The following HMCN1 variants were observed in gnomAD, a reference collection of about 807,000 sequenced individuals.
The protein encoded by HMCN1 is hemicentin-1.
A neutral mutation model predicts 625.9 loss-of-function variants in HMCN1; 321 were observed. That is an observed-to-expected ratio of 0.51 (90% confidence interval 0.47 to 0.56). The LOEUF (loss-of-function observed/expected upper bound fraction) is 0.56, where lower values mean the gene tolerates loss of function less well. HMCN1 is among the 20% of genes least tolerant of loss of function. The pLI, the probability that HMCN1 is intolerant of heterozygous loss-of-function variation, is 0.00. For missense variants in HMCN1, 6,588 were observed against 6,887.3 expected (o/e 0.96, Z 1.54); for synonymous variants, 2,425 against 2,417.6 (o/e 1.00, Z -0.09).
rs184543732 is a variant in HMCN1 at position 186,006,036 on chromosome 1, C to T, written c.4476-1092C>T. On this transcript the variant is annotated intron_variant, in intron 29 of 106. Coordinates refer to ENST00000271588, the MANE Select transcript of HMCN1 (RefSeq NM_031935.3). ...CTGTAATTCCAGCTACTTGGGAGGC[C>T]GAGGCAGGAGAATCGCTTGAACCCA... Among the ~76,000 whole-genome samples, 14 of 150,164 alleles carry T rather than the reference C, an allele frequency of 9.3e-5. No individual in the cohort carries two copies. In the East Asian group the frequency reaches 2.0e-3, roughly 21 times the overall value.
chr1:186,020,997 T>C (rs1178586167), intron 35 of HMCN1, among the ~76,000 whole-genome samples: 2 of 152,082 alleles, frequency 1.3e-5, no homozygotes, highest in African/African-American at 4.8e-5. Flanking sequence ...TTTTAAGTAG[T>C]CATCCAGACC....
chr1:185,826,168 T>G (rs1228336933), intron 1 of HMCN1, among the ~76,000 whole-genome samples: 2 of 152,216 alleles, frequency 1.3e-5, no homozygotes, highest in African/African-American at 4.8e-5. Context: ...TTTCCTTGTA[T>G]TTCCAATTCA....
chr1:186,065,422 T>A lies in HMCN1; in HGVS notation c.7698T>A (p.Asn2566Lys), dbSNP rs947783270. Residue 2566 changes from asparagine (N) to lysine (K), a missense_variant, in exon 49 of 107, where the codon AAT becomes AAA. Coordinates refer to ENST00000271588, the MANE Select transcript of HMCN1 (RefSeq NM_031935.3). ...AGHKSRSFSLNVFVSPTIAGV... is the reference protein window; with the variant it reads ...AGHKSRSFSLKVFVSPTIAGV... ...ACAAGAGCAGGAGCTTCAGTCTTAA[T>A]GTATTTGGTAGGTGTGGGCTTTTCT... The A allele has an allele frequency of 1.2e-6, 2 of 1,600,954 alleles. No individual in the cohort carries two copies. The highest frequency in any genetic ancestry group is 1.7e-5 in the Admixed American group (1 of 59,176).
At chr1:186,134,575 C>G (rs944101248) in intron 86 of HMCN1, among the ~76,000 whole-genome samples, 3 of 152,028 alleles carry the variant, frequency 2.0e-5, no homozygotes, top group African/African-American at 7.2e-5. Flanking sequence ...ATGACATTTG[C>G]TAAGAGAGTC....
chr1:186,061,881 C>A lies in HMCN1; in HGVS notation c.7343C>A (p.Thr2448Lys), dbSNP rs750886226. Residue 2448 changes from threonine (T) to lysine (K), a missense_variant, in exon 47 of 107, where the codon ACA becomes AAA. Thr to Lys is a moderately conservative substitution (Grantham distance 78). Around this residue, in one of 3 missense-constraint regions of HMCN1, gnomAD observed 4,628 missense variants for 4,853.1 expected, o/e 0.95. Coordinates refer to ENST00000271588, the MANE Select transcript of HMCN1 (RefSeq NM_031935.3). ...AGGATGCTACGGCTGATGCAGACCA[C>A]AATGGAAGATGCTGGCCAATATACT... ...GGRMLRLMQT[T>K]MEDAGQYTCV... 6.2e-7 allele frequency: 1 copy of A among 1,612,840 alleles called. No individual in the cohort carries two copies. Among genetic ancestry groups the A allele is most frequent in the South Asian group, 1.1e-5 (1 of 91,030 alleles).
At position 186,145,301 on chromosome 1, in the gene HMCN1, TGAGAA is replaced by T. The variant is rs368270675; in HGVS notation, c.14267-97_14267-93del. The T allele has an allele frequency of 9.9e-6, 12 of 1,212,922 alleles. No homozygotes were observed. In the African/African-American group the frequency reaches 1.6e-4, roughly 17 times the overall value. The allele number at this position is 1,212,922 out of a possible 1,614,324, so 75.1% of individuals were successfully genotyped here. ...GACTTGCATGTTTTGTTTTAGGTGC[TGAGAA>T]GAGACTTTTTTTTTAATACTTTTTG... On this transcript the variant is annotated intron_variant, in intron 91 of 106. Transcript: ENST00000271588.
chr1:186,146,083 C>T lies in HMCN1; in HGVS notation c.14608+160C>T, dbSNP rs1005374954. Among the ~76,000 whole-genome samples the T allele has an allele frequency of 6.6e-5, 10 of 151,326 alleles. No homozygotes were observed. In the East Asian group the frequency reaches 1.7e-3, roughly 26 times the overall value. On this transcript the variant is annotated intron_variant, in intron 93 of 106. Transcript: ENST00000271588. ...CTAATTGGTACAGTTCTGTATCAATCCAAGGCTGGGTTCTAGCCTCTATTT... is the reference window on the plus strand; with the variant it reads ...CTAATTGGTACAGTTCTGTATCAATTCAAGGCTGGGTTCTAGCCTCTATTT...
In HMCN1 at chr1:186,118,971, C is replaced by T. The variant is rs78075407; in HGVS notation, c.11849-220C>T. Among the ~76,000 whole-genome samples, 1,210 of 152,140 alleles carry T rather than the reference C, an allele frequency of 8.0e-3. 16 individuals are homozygous for T. The highest frequency in any genetic ancestry group is 0.028 in the African/African-American group (1,168 of 41,510). On this transcript the variant is annotated intron_variant, in intron 77 of 106. Transcript: ENST00000271588. The stretch of plus-strand genomic sequence containing the variant: ...AAGTATACTAAAAATCATTGAATTG[C>T]GCATTTAAATGAGTGACCCTTATGA...
chr1:185,881,908 G>C (rs947697542), intron 4 of HMCN1, among the ~76,000 whole-genome samples: 3 of 152,128 alleles, frequency 2.0e-5, no homozygotes, highest in African/African-American at 7.2e-5. Flanking sequence ...AAAGTATTTT[G>C]AGAAGTCTCT....
chr1:186,038,910 T>C lies in HMCN1; in HGVS notation c.5933T>C (p.Ile1978Thr), dbSNP rs762521416. The stretch of plus-strand genomic sequence containing the variant: ...TTGAACAGAGGACAGATCATTGATA[T>C]TGAAAGTGCCCAGATCTCAGATGCT... ...TFLNRGQIIDIESAQISDAGI... is the reference protein window; with the variant it reads ...TFLNRGQIIDTESAQISDAGI... Residue 1978 changes from isoleucine (I) to threonine (T), a missense_variant, in exon 38 of 107, where the codon ATT (isoleucine) becomes ACT (threonine). Physicochemically the swap from Ile to Thr is moderately conservative, Grantham distance 89. This residue lies in a region of HMCN1 where 4,628 missense variants were observed against 4,853.1 expected (regional missense o/e 0.95). Coordinates refer to ENST00000271588, the MANE Select transcript of HMCN1 (RefSeq NM_031935.3). The C allele has an allele frequency of 2.2e-5, 35 of 1,606,004 alleles. No homozygotes were observed. The highest frequency in any genetic ancestry group is 1.6e-4 in the Middle Eastern group (1 of 6,072).
intron 52 of HMCN1, 77 bp from the exon 53 acceptor site, chr1:186,074,664 A>G (rs1263796267): frequency 7.6e-7 from 1 of 1,313,322 alleles, no homozygotes; most frequent in African/African-American, 1.5e-5. Context: ...AAAAAATCAC[A>G]AAAACTATCA....
intron 1 of HMCN1, among the ~76,000 whole-genome samples, chr1:185,831,720 C>T (rs189383603): frequency 1.1e-4 from 16 of 151,792 alleles, no homozygotes; most frequent in East Asian, 3.9e-4. Flanking sequence ...CCATTCAGAA[C>T]GTATAATAGA....
intron 48 of HMCN1, among the ~76,000 whole-genome samples, chr1:186,063,088 A>G (rs185974111): frequency 8.0e-6 from 1 of 124,250 alleles, no homozygotes; most frequent in African/African-American, 3.7e-5. Flanking sequence ...ATATATATAT[A>G]TATATATATA....
At chr1:185,929,096 A>G (rs924860409) in intron 10 of HMCN1, among the ~76,000 whole-genome samples, 2 of 152,166 alleles carry the variant, frequency 1.3e-5, no homozygotes, top group Non-Finnish European at 2.9e-5. Context: ...TTCCCGTGAG[A>G]AAATAAAGTT....
chr1:186,090,954 A>G (rs751778074), intron 64 of HMCN1, 37 bp downstream of exon 64: 1 of 1,586,864 alleles, frequency 6.3e-7, no homozygotes, highest in East Asian at 2.2e-5. Flanking sequence ...ATAAATTGTA[A>G]GCCCTTCTAC....
In HMCN1 at chr1:186,016,172, A is replaced by G. The variant is rs1654356060; in HGVS notation, c.5124A>G (p.Gly1708=). The G allele has an allele frequency of 4.3e-6, 7 of 1,613,530 alleles. No homozygotes were observed. Among genetic ancestry groups the G allele is most frequent in the Non-Finnish European group, 5.1e-6 (6 of 1,179,552 alleles). Residue 1708 remains glycine (G), a synonymous_variant, in exon 32 of 107, where the codon GGA becomes GGG. Transcript: ENST00000271588. The part of the protein sequence containing the change: ...EIMSAQEIDR[G]QYICVATSVA... The stretch of plus-strand genomic sequence containing the variant: ...TGAGTGCCCAAGAAATTGATCGAGG[A>G]CAGTACATATGCGTGGCTACCAGTG...
intron 1 of HMCN1, among the ~76,000 whole-genome samples, chr1:185,742,595 T>C (rs1238811525): frequency 1.3e-5 from 2 of 152,202 alleles, no homozygotes; most frequent in Non-Finnish European, 2.9e-5. Flanking sequence ...TCAGTTTCAA[T>C]ATGTATAGGA....
intron 73 of HMCN1, 30 bp downstream of exon 73, chr1:186,114,153 A>G (rs763758162): frequency 1.4e-5 from 22 of 1,612,504 alleles, no homozygotes; most frequent in East Asian, 1.1e-4. Flanking sequence ...AAAAAATGCT[A>G]TAAGACCTGA....
At chr1:186,012,546 A>C (rs576004179) in intron 30 of HMCN1, among the ~76,000 whole-genome samples, 1 of 152,236 alleles carries the variant, frequency 6.6e-6, no homozygotes, top group East Asian at 1.9e-4. Context: ...TGTTGCTCCC[A>C]GTGTTCTCAA....
Sources: gnomAD v4.1 joint callset for allele counts (sites outside exome capture counted in the v4.1 genomes callset) on GRCh38, gnomAD v4.1.1 for gene constraint, gnomAD v4.1.1 regional missense constraint, MANE v1.5 for transcripts, NCBI Gene and HGNC (gene_info 2026-07-23, HGNC 2026-07-21) for gene names.